The following NR3C1 variants were observed in gnomAD, a reference collection of about 807,000 sequenced individuals.
NR3C1 encodes nuclear receptor subfamily 3 group C member 1, also known as glucocorticoid receptor.
NR3C1 carries 14 observed loss-of-function variants against 74.0 expected under a neutral mutation model. The ratio of observed to expected loss-of-function variants is 0.19; its 90% CI spans 0.12 to 0.30. The LOEUF (loss-of-function observed/expected upper bound fraction) is 0.30. Ranked by LOEUF, NR3C1 falls within the 10% of genes least tolerant of loss-of-function variation. The probability of loss-of-function intolerance (pLI) is 1.00; values close to 1 mark genes in which losing one functional copy is unlikely to be tolerated. For missense variants in NR3C1, 695 were observed against 909.8 expected, an observed-to-expected ratio of 0.76 and a Z score of 3.04; for synonymous variants, 308 against 332.5, an observed-to-expected ratio of 0.93 and a Z score of 0.80.
intron 1 of NR3C1, among the ~76,000 whole-genome samples, chr5:143,418,766 G>T (rs1751057740): frequency 6.6e-6 from 1 of 152,208 alleles, no homozygotes; most frequent in Non-Finnish European, 1.5e-5. Flanking sequence ...TGATGACACA[G>T]ATTATGCTGA....
At chr5:143,353,969 A>G (rs1029588464) in intron 2 of NR3C1, among the ~76,000 whole-genome samples, 3 of 152,248 alleles carry the variant, frequency 2.0e-5, no homozygotes, top group African/African-American at 7.2e-5. Context: ...TCTATTATTT[A>G]GTAATCTTAG....
chr5:143,310,065 GACAA>G, intron 4 of NR3C1, 28 bp downstream of exon 4: 2 of 1,475,094 alleles, frequency 1.4e-6, no homozygotes, highest in Non-Finnish European at 9.5e-7. Flanking sequence ...AAGCTACAGA[GACAA>G]ACAATTGCTT....
At chr5:143,430,897 G>T (rs1481489566) in intron 1 of NR3C1, among the ~76,000 whole-genome samples, 1 of 152,098 alleles carries the variant, frequency 6.6e-6, no homozygotes, top group African/African-American at 2.4e-5. Context: ...CGTGTTTAGG[G>T]GTGTTGAGCC....
chr5:143,399,443 T>C (rs918671904), intron 2 of NR3C1, among the ~76,000 whole-genome samples: 1 of 152,204 alleles, frequency 6.6e-6, no homozygotes, highest in African/African-American at 2.4e-5. Flanking sequence ...AATGGGATAC[T>C]GAAAACCACT....
upstream of NR3C1, chr5:143,404,353 A>G (rs1600652031): frequency 2.0e-6 from 2 of 985,338 alleles, no homozygotes; most frequent in Non-Finnish European, 2.4e-6. Flanking sequence ...GGGACGGGAT[A>G]GCGGGGGTCG....
At chr5:143,427,444 CAAAT>C (rs772432597) in intron 1 of NR3C1, among the ~76,000 whole-genome samples, 68 of 151,984 alleles carry the variant, frequency 4.5e-4, no homozygotes, top group Non-Finnish European at 4.6e-4. Flanking sequence ...GATAGAATGA[CAAAT>C]AAGGCAAGAA....
intron 2 of NR3C1, among the ~76,000 whole-genome samples, chr5:143,337,217 C>T (rs1827320805): frequency 6.6e-6 from 1 of 152,080 alleles, no homozygotes; most frequent in African/African-American, 2.4e-5. Flanking sequence ...TTATACTTTA[C>T]AATACAGGAA....
At chr5:143,289,122 C>T (rs1815268166) in intron 7 of NR3C1, among the ~76,000 whole-genome samples, 1 of 149,052 alleles carries the variant, frequency 6.7e-6, no homozygotes, top group South Asian at 2.1e-4. Context: ...CTAGAATATC[C>T]AAAACAACAG....
At chr5:143,433,469 T>TAC in intron 1 of NR3C1, among the ~76,000 whole-genome samples, 1 of 132,902 alleles carries the variant, frequency 7.5e-6, no homozygotes, top group African/African-American at 2.9e-5. Flanking sequence ...TATATATATA[T>TAC]ATTTAATTTC....
chr5:143,285,806 G>A (rs1814284014), intron 7 of NR3C1, among the ~76,000 whole-genome samples: 1 of 151,804 alleles, frequency 6.6e-6, no homozygotes, highest in Non-Finnish European at 1.5e-5. Context: ...AGAAAAGAAA[G>A]GTCTCAATTA....
chr5:143,427,902 G>A (rs566271125), intron 1 of NR3C1, among the ~76,000 whole-genome samples: 1 of 152,268 alleles, frequency 6.6e-6, no homozygotes, highest in East Asian at 1.9e-4. Context: ...AGGTCATCAT[G>A]GAAAATGCTT....
intron 2 of NR3C1, chr5:143,332,543 C>T (rs1165064250): frequency 1.4e-6 from 1 of 737,456 alleles, no homozygotes; most frequent in East Asian, 2.7e-5. Flanking sequence ...CACATGTACC[C>T]TGGAACTTAA....
rs934177468 is a variant in NR3C1 at position 143,291,454 on chromosome 5, G to A, written c.2023+4006C>T. ...TAAGCCAGGATGGTCTTGATCTCTT[G>A]ACTCTGTGATCTGCCTGCCTCAGCC... On this transcript the variant is annotated intron_variant, in intron 7 of 8. Transcript: ENST00000394464. Among the ~76,000 whole-genome samples, 7 of 152,180 alleles carry A rather than the reference G, an allele frequency of 4.6e-5. No homozygotes were observed. In the East Asian group the frequency reaches 1.4e-3, roughly 29 times the overall value.
intron 1 of NR3C1, chr5:143,402,628 C>T: frequency 1.0e-6 from 1 of 985,464 alleles, no homozygotes; most frequent in Admixed American, 6.1e-5. Flanking sequence ...CCGACACGCC[C>T]ACTTCTAACA....
At chr5:143,356,978 A>G (rs971937743) in intron 2 of NR3C1, among the ~76,000 whole-genome samples, 4 of 152,236 alleles carry the variant, frequency 2.6e-5, no homozygotes, top group African/African-American at 9.6e-5. Context: ...CTTTGTCCCA[A>G]TAGTTAGTAC....
rs28865014 is a variant in NR3C1 at position 143,366,463 on chromosome 5, T to C, written c.1184+33193A>G. On this transcript the variant is annotated intron_variant, in intron 2 of 8. Transcript: ENST00000394464. ...AAGCGGAGGCTGCAATGAGCCGAGA[T>C]TGCACCACTGCACTCTAGACTGGGT... Among the ~76,000 whole-genome samples the C allele has an allele frequency of 4.4e-3, 662 of 151,074 alleles. 2 individuals carry two copies. The highest frequency in any genetic ancestry group is 0.015 in the African/African-American group (630 of 41,084).
At chr5:143,397,118 T>C (rs1415368221) in intron 2 of NR3C1, among the ~76,000 whole-genome samples, 1 of 151,876 alleles carries the variant, frequency 6.6e-6, no homozygotes, top group Non-Finnish European at 1.5e-5. Context: ...TAATTCAATG[T>C]TGTGGTGGAA....
chr5:143,288,711 G>A (rs904112566), intron 7 of NR3C1, among the ~76,000 whole-genome samples: 1 of 152,048 alleles, frequency 6.6e-6, no homozygotes, highest in African/African-American at 2.4e-5. Flanking sequence ...GGGCTTAAGC[G>A]ATCTGCCTGC....
chr5:143,317,029 C>T (rs1202186975), intron 2 of NR3C1, among the ~76,000 whole-genome samples: 2 of 152,108 alleles, frequency 1.3e-5, no homozygotes, highest in Non-Finnish European at 2.9e-5. Flanking sequence ...TTCAGGCAGT[C>T]GTTCTGGGCT....
Sources: gnomAD v4.1 joint callset for allele counts (sites outside exome capture counted in the v4.1 genomes callset) on GRCh38, gnomAD v4.1.1 for gene constraint, MANE v1.5 for transcripts, NCBI Gene and HGNC (gene_info 2026-07-23, HGNC 2026-07-21) for gene names.